CASK: variants seen among roughly 807,000 people sequenced by gnomAD.
The protein encoded by CASK is calcium/calmodulin dependent serine protein kinase, also known as peripheral plasma membrane protein CASK.
Under a neutral mutation model 82.9 loss-of-function variants are expected in CASK, and 4 were observed. That is an observed-to-expected ratio of 0.05 (90% CI 0.02 to 0.11). The LOEUF is 0.11. Among genes scored for constraint, CASK ranks in the 10% least tolerant of loss-of-function variants. The pLI is 1.00. For synonymous variants in CASK, 259 were observed against 253.5 expected, an observed-to-expected ratio of 1.02 and a Z score of -0.20; for missense variants, 358 against 720.9, an observed-to-expected ratio of 0.50 and a Z score of 5.76.
At chrX:41,790,248 C>CT (rs1345460094) in intron 2 of CASK, 2 of 938,196 alleles carry the variant, frequency 2.1e-6, no homozygotes, top group Non-Finnish European at 2.7e-6. Context: ...ACTTTAGCAC[C>CT]TGGAGATGGG....
At position 41,518,357 on chromosome X, in the gene CASK, T is replaced by A. The variant is rs1037055652; in HGVS notation, c.*2063A>T. 8 of 111,430 alleles carry A rather than the reference T, an allele frequency of 7.2e-5. No homozygotes were observed. The highest frequency in any genetic ancestry group is 2.0e-4 in the African/African-American group (6 of 30,211). 9.2% of individuals were successfully genotyped at this position (111,430 alleles called of 1,213,427 possible). On this transcript the variant is annotated 3_prime_UTR_variant, in exon 27 of 27. Coordinates refer to ENST00000378163, the MANE Select transcript of CASK (RefSeq NM_001367721.1). ...AACGACTGTCTGGCCTTGGCATCTA[T>A]CAGATTCGAATCAGTTCTAACACAG... is the stretch of plus-strand genomic sequence containing the variant.
At chrX:41,737,757 A>T (rs2068521670) in intron 5 of CASK, among the ~76,000 whole-genome samples, 1 of 112,465 alleles carries the variant, frequency 8.9e-6, no homozygotes. Flanking sequence ...CTTGAGCAAA[A>T]CAGTTCTTAA....
At chrX:41,562,982 C>T (rs1012106760) in intron 16 of CASK, 17 of 91,154 alleles carry the variant, frequency 1.9e-4, no homozygotes, top group Non-Finnish European at 2.3e-4. Context: ...CGCTTGAACC[C>T]GGAAGCAGAG....
chrX:41,729,325 G>C lies in CASK; in HGVS notation c.429+10059C>G, dbSNP rs192957592. ...GCTGTTACTATTATGAGTAGCTAACGCTTAGTAAGCACTTGCTGTTTGCCA... is the reference window on the plus strand; with the variant it reads ...GCTGTTACTATTATGAGTAGCTAACCCTTAGTAAGCACTTGCTGTTTGCCA... On this transcript the variant is annotated intron_variant, in intron 5 of 26. Transcript: ENST00000378163. 9.8e-5 allele frequency: 12 copies of C among 122,836 alleles called. No homozygotes were observed. In the East Asian group the frequency reaches 3.4e-3, roughly 34 times the overall value. The allele number at this position is 122,836 out of a possible 1,213,427, so 10.1% of individuals were successfully genotyped here.
At chrX:41,736,516 A>AAAAC (rs1236261122) in intron 5 of CASK, among the ~76,000 whole-genome samples, 2 of 111,711 alleles carry the variant, frequency 1.8e-5, no homozygotes, top group East Asian at 2.8e-4. Flanking sequence ...CAAACAAAAC[A>AAAAC]AAACAAACAA....
At chrX:41,788,306 C>T (rs1051570458) in intron 2 of CASK, among the ~76,000 whole-genome samples, 2 of 110,958 alleles carry the variant, frequency 1.8e-5, no homozygotes, top group African/African-American at 3.3e-5. Context: ...TTAATATCAT[C>T]ATCATCATCA....
intron 8 of CASK, among the ~76,000 whole-genome samples, chrX:41,649,201 G>T (rs2066819581): frequency 9.0e-6 from 1 of 111,226 alleles, no homozygotes; most frequent in South Asian, 3.8e-4. Flanking sequence ...CAAAAAACCA[G>T]CTCCTGGATT....
intron 2 of CASK, among the ~76,000 whole-genome samples, chrX:41,816,828 T>C (rs892480487): frequency 9.0e-6 from 1 of 111,677 alleles, no homozygotes; most frequent in African/African-American, 3.3e-5. Flanking sequence ...AATATTCCTA[T>C]AACTATAAAA....
intron 1 of CASK, among the ~76,000 whole-genome samples, chrX:41,853,789 G>A (rs1290771230): frequency 1.8e-5 from 2 of 111,572 alleles, no homozygotes; most frequent in African/African-American, 3.3e-5. Context: ...ATTCATTCTT[G>A]TAATGATATT....
chrX:41,915,775 G>A (rs1357615907), intron 1 of CASK, among the ~76,000 whole-genome samples: 1 of 108,993 alleles, frequency 9.2e-6, no homozygotes, highest in Non-Finnish European at 1.9e-5. Flanking sequence ...GGATCACGAG[G>A]TCAGGAGATC....
intron 1 of CASK, among the ~76,000 whole-genome samples, chrX:41,854,542 T>C (rs1170937492): frequency 8.9e-6 from 1 of 112,736 alleles, no homozygotes; most frequent in East Asian, 2.8e-4. Context: ...TAGATGCATG[T>C]GCTCAATTAG....
intron 5 of CASK, among the ~76,000 whole-genome samples, chrX:41,708,055 T>C (rs568906206): frequency 4.7e-5 from 5 of 105,649 alleles, no homozygotes; most frequent in African/African-American, 1.4e-4. Flanking sequence ...GAGTTGGAGG[T>C]TGCAGTGAGC....
intron 8 of CASK, among the ~76,000 whole-genome samples, chrX:41,640,360 C>T (rs753398284): frequency 7.2e-4 from 79 of 110,481 alleles, no homozygotes; most frequent in African/African-American, 2.5e-3. Flanking sequence ...CCTGCCACCA[C>T]GCCTGGCTAA....
intron 1 of CASK, among the ~76,000 whole-genome samples, chrX:41,859,104 G>A (rs775579596): frequency 9.0e-6 from 1 of 111,550 alleles, no homozygotes; most frequent in South Asian, 3.8e-4. Flanking sequence ...TCATGTCTCA[G>A]GAAACCTTTA....
intron 3 of CASK, among the ~76,000 whole-genome samples, chrX:41,770,045 A>G (rs1258390303): frequency 1.8e-5 from 2 of 111,275 alleles, no homozygotes; most frequent in African/African-American, 6.5e-5. Flanking sequence ...ACAAAAATGA[A>G]TAAGGTACAT....
At chrX:41,861,238 G>T (rs1244920685) in intron 1 of CASK, among the ~76,000 whole-genome samples, 3 of 111,461 alleles carry the variant, frequency 2.7e-5, no homozygotes, top group African/African-American at 9.8e-5. Flanking sequence ...ATTGGTGTGT[G>T]TGTGTGTTTG....
chrX:41,602,719 CTTTTT>C (rs34064822), intron 12 of CASK, among the ~76,000 whole-genome samples: 3 of 75,203 alleles, frequency 4.0e-5, no homozygotes, highest in Admixed American at 1.5e-4. Flanking sequence ...TGCTTAGCGG[CTTTTT>C]TTTTTTTTTT....
intron 5 of CASK, among the ~76,000 whole-genome samples, chrX:41,689,340 A>G (rs190306705): frequency 2.4e-3 from 274 of 112,130 alleles, no homozygotes; most frequent in Non-Finnish European, 3.8e-3. Flanking sequence ...ATATAGTCAC[A>G]TTGTTGATAC....
At chrX:41,732,701 C>G (rs1255419525) in intron 5 of CASK, among the ~76,000 whole-genome samples, 2 of 110,508 alleles carry the variant, frequency 1.8e-5, no homozygotes, top group African/African-American at 6.6e-5. Flanking sequence ...AGGAGAGGAA[C>G]AGTAAAAGGA....
Sources: gnomAD v4.1 joint callset for allele counts (sites outside exome capture counted in the v4.1 genomes callset) on GRCh38, gnomAD v4.1.1 for gene constraint, MANE v1.5 for transcripts, NCBI Gene and HGNC (gene_info 2026-07-23, HGNC 2026-07-21) for gene names.